SH3PXD2A: variants seen among roughly 807,000 people sequenced by gnomAD.
SH3PXD2A encodes SH3 and PX domain-containing protein 2A.
A neutral mutation model predicts 115.2 loss-of-function variants in SH3PXD2A; 32 were observed. The observed-to-expected ratio is 0.28, with a 90% confidence interval of 0.21 to 0.37. The LOEUF is 0.37. Ranked by LOEUF, SH3PXD2A falls within the 10% of genes least tolerant of loss-of-function variation. The pLI is 1.00. For missense variants in SH3PXD2A, 1,328 were observed against 1,498.7 expected (o/e 0.89, Z 1.88); for synonymous variants, 610 against 629.1 (o/e 0.97, Z 0.45).
At chr10:103,764,725 T>C (rs2038735867) in intron 3 of SH3PXD2A, among the ~76,000 whole-genome samples, 1 of 152,190 alleles carries the variant, frequency 6.6e-6, no homozygotes, top group African/African-American at 2.4e-5. Context: ...CTCAGTCCTG[T>C]GGCAGCTATT....
At chr10:103,728,112 C>T (rs936284595) in intron 4 of SH3PXD2A, among the ~76,000 whole-genome samples, 3 of 152,158 alleles carry the variant, frequency 2.0e-5, no homozygotes, top group African/African-American at 7.2e-5. Context: ...AAAGTCAGGG[C>T]CTCAGAGCCT....
chr10:103,632,930 T>A (rs1036706998), intron 8 of SH3PXD2A, among the ~76,000 whole-genome samples: 4 of 151,958 alleles, frequency 2.6e-5, no homozygotes. Flanking sequence ...GCTGAGATCA[T>A]GCCACTGCAC....
intron 1 of SH3PXD2A, among the ~76,000 whole-genome samples, chr10:103,816,235 T>C (rs2039322379): frequency 6.6e-6 from 1 of 152,210 alleles, no homozygotes; most frequent in Non-Finnish European, 1.5e-5. Flanking sequence ...TCATTATGTA[T>C]TGTGTATTAA....
In SH3PXD2A at chr10:103,603,365, G is replaced by C; in HGVS notation, c.1853C>G (p.Thr618Ser). 1 of 1,614,130 alleles carries C rather than the reference G, an allele frequency of 6.2e-7. No homozygotes were observed. Among genetic ancestry groups the C allele is most frequent in the Non-Finnish European group, 8.5e-7 (1 of 1,180,012 alleles). ...CCGGAAGCCCTCATTCTCATAGATG[G>C]TCTCCTCTTCCAGGGCCACATCCTC... The part of the protein sequence containing the change: ...SSEDVALEEE[T>S]IYENEGFRPY... The change falls in exon 15 of 15, where the codon ACC becomes AGC. Residue 618 changes from threonine to serine, a missense_variant. Thr to Ser is a moderately conservative substitution (Grantham distance 58, BLOSUM62 1). This residue lies in a region of SH3PXD2A where 509 missense variants were observed against 628.3 expected (regional missense o/e 0.81). Transcript: ENST00000369774.
chr10:103,728,582 T>A (rs2038271797), intron 4 of SH3PXD2A, among the ~76,000 whole-genome samples: 1 of 152,216 alleles, frequency 6.6e-6, no homozygotes. Flanking sequence ...ATGAGCTCTG[T>A]GAGCACATGT....
intron 3 of SH3PXD2A, among the ~76,000 whole-genome samples, chr10:103,766,355 T>C (rs1198314379): frequency 1.3e-5 from 2 of 152,188 alleles, no homozygotes; most frequent in African/African-American, 4.8e-5. Flanking sequence ...GCATCGCTTA[T>C]CTGGTGCAGG....
chr10:103,678,505 G>A (rs951637955), intron 6 of SH3PXD2A, among the ~76,000 whole-genome samples: 1 of 152,252 alleles, frequency 6.6e-6, no homozygotes, highest in Non-Finnish European at 1.5e-5. Flanking sequence ...AGCTTCCAGA[G>A]AGGGGAGAAG....
At chr10:103,613,222 G>A (rs752197276) in intron 11 of SH3PXD2A, 32 bp from the exon 12 acceptor site, 1 of 1,513,594 alleles carries the variant, frequency 6.6e-7, no homozygotes, top group Non-Finnish European at 8.9e-7. Flanking sequence ...GCTATCATTA[G>A]AGCACTCTGA....
rs1190323458 is a variant in SH3PXD2A at position 103,855,329 on chromosome 10, G to C, written c.-63C>G. On this transcript the variant is annotated 5_prime_UTR_variant, in exon 1 of 15. Transcript: ENST00000369774. ...ACCTTCTCATCCCGGCCGGGCTCCG[G>C]CTCCTTCTCCAGCTGCCGGGGTCCC... The C allele has an allele frequency of 1.7e-5, 23 of 1,353,740 alleles. No homozygotes were observed. The highest frequency in any genetic ancestry group is 1.8e-5 in the Non-Finnish European group (18 of 1,000,610). The allele number at this position is 1,353,740 out of a possible 1,614,324, so 83.9% of individuals were successfully genotyped here. A position where few individuals can be genotyped will look rare whatever the true frequency, so the allele number is the denominator to read the frequency against.
intron 3 of SH3PXD2A, among the ~76,000 whole-genome samples, chr10:103,740,055 G>A (rs531418908): frequency 2.0e-5 from 3 of 152,340 alleles, no homozygotes; most frequent in South Asian, 2.1e-4. Context: ...CAGTGGGGAC[G>A]TTAGTGGGCA....
intron 2 of SH3PXD2A, among the ~76,000 whole-genome samples, chr10:103,794,316 G>A (rs1019635217): frequency 1.3e-5 from 2 of 152,172 alleles, no homozygotes; most frequent in African/African-American, 2.4e-5. Context: ...CGGTGCAGGG[G>A]AAAATAAAGG....
intron 1 of SH3PXD2A, among the ~76,000 whole-genome samples, chr10:103,814,852 C>T (rs561503563): frequency 1.1e-4 from 17 of 152,234 alleles, no homozygotes; most frequent in South Asian, 6.2e-4. Context: ...CCATTTCTGA[C>T]GGCCCCAATA....
chr10:103,823,542 C>T (rs1232325271), intron 1 of SH3PXD2A, among the ~76,000 whole-genome samples: 1 of 152,240 alleles, frequency 6.6e-6, no homozygotes, highest in African/African-American at 2.4e-5. Context: ...AGCCATACAT[C>T]ATTAAGCCCA....
At chr10:103,827,218 A>G (rs2134298481) in intron 1 of SH3PXD2A, among the ~76,000 whole-genome samples, 1 of 152,192 alleles carries the variant, frequency 6.6e-6, no homozygotes, top group East Asian at 1.9e-4. Context: ...TGTATTTGGG[A>G]TGGTGATAAA....
intron 2 of SH3PXD2A, among the ~76,000 whole-genome samples, chr10:103,798,053 C>A (rs1255778426): frequency 1.3e-5 from 2 of 152,036 alleles, no homozygotes; most frequent in African/African-American, 4.8e-5. Flanking sequence ...GGTGGGAACC[C>A]GAGGCCGCCT....
intron 13 of SH3PXD2A, among the ~76,000 whole-genome samples, chr10:103,611,102 C>T (rs562261051): frequency 9.8e-5 from 15 of 152,312 alleles, no homozygotes; most frequent in African/African-American, 2.4e-4. Flanking sequence ...AAAGCTGGGG[C>T]GTGAGCCACT....
rs1013881880 is a variant in SH3PXD2A, at chr10:103,627,465, T to A, written c.605-263A>T. Among the ~76,000 whole-genome samples the A allele has an allele frequency of 3.9e-5, 6 of 152,062 alleles. No individual in the cohort carries two copies. The highest frequency in any genetic ancestry group is 5.9e-5 in the Non-Finnish European group (4 of 67,986). The stretch of plus-strand genomic sequence containing the variant: ...AACAAATGTCTGATGGAAAATGAAA[T>A]AGACATAGTGATATGTCCAGTGTGT... On this transcript the variant is annotated intron_variant, in intron 8 of 14. Transcript: ENST00000369774. This position sits in a 1 kb window ranked among gnomAD's most constrained non-coding sequence, Gnocchi z 4.4.
chr10:103,668,112 T>C (rs561030550), intron 7 of SH3PXD2A, among the ~76,000 whole-genome samples: 3 of 152,266 alleles, frequency 2.0e-5, no homozygotes, highest in African/African-American at 7.2e-5. Flanking sequence ...GAAATGAGGG[T>C]TGGGTGTCAG....
At chr10:103,842,943 G>T (rs2039614665) in intron 1 of SH3PXD2A, among the ~76,000 whole-genome samples, 2 of 152,168 alleles carry the variant, frequency 1.3e-5, no homozygotes, top group Non-Finnish European at 2.9e-5. Context: ...TAAATGAGAG[G>T]TAAAACAGTT....
Sources: gnomAD v4.1 joint callset for allele counts (sites outside exome capture counted in the v4.1 genomes callset) on GRCh38, gnomAD v4.1.1 for gene constraint, gnomAD v4.1.1 regional missense constraint, Gnocchi (gnomAD v3.1) non-coding constraint, MANE v1.5 for transcripts, NCBI Gene and HGNC (gene_info 2026-07-23, HGNC 2026-07-21) for gene names.